CFHR4: variants seen among roughly 807,000 people sequenced by gnomAD.
CFHR4 encodes complement factor H related 4, also known as complement factor H-related protein 4.
CFHR4 carries 64 observed loss-of-function variants against 69.3 expected under a neutral mutation model. The ratio of observed to expected loss-of-function variants is 0.92; its 90% CI spans 0.76 to 1.14. The LOEUF is 1.14. CFHR4 is among the 50% of genes most tolerant of loss of function. The pLI, the probability that CFHR4 is intolerant of heterozygous loss-of-function variation, is 0.00. For missense variants in CFHR4, 636 were observed against 684.9 expected (o/e 0.93, Z 0.80); for synonymous variants, 244 against 237.0 (o/e 1.03, Z -0.27).
intron 5 of CFHR4, among the ~76,000 whole-genome samples, chr1:196,909,826 T>TA (rs1436596432): frequency 1.3e-5 from 2 of 150,686 alleles, no homozygotes; most frequent in Non-Finnish European, 2.9e-5. Flanking sequence ...CCAGGGAACT[T>TA]AAAAAATAAT....
At chr1:196,893,122 C>T (rs1657118111) in intron 1 of CFHR4, among the ~76,000 whole-genome samples, 1 of 151,632 alleles carries the variant, frequency 6.6e-6, no homozygotes, top group African/African-American at 2.4e-5. Flanking sequence ...CTTAGTCTAC[C>T]ACGTTTTAAA....
Position 196,918,498 on chromosome 1 carries a change from A to C in CFHR4, c.*92A>C. The C allele has an allele frequency of 8.0e-7, 1 of 1,253,738 alleles. No homozygotes were observed. The highest frequency in any genetic ancestry group is 1.2e-6 in the Non-Finnish European group (1 of 866,380). 77.7% of individuals were successfully genotyped at this position (1,253,738 alleles called of 1,614,324 possible). ...AAAGATAGCTTCTGATATTGTTGTAATTTCTACTTTATTTCAAAGAAAATT... is the reference window on the plus strand; with the variant it reads ...AAAGATAGCTTCTGATATTGTTGTACTTTCTACTTTATTTCAAAGAAAATT... On this transcript the variant is annotated 3_prime_UTR_variant, in exon 10 of 10. Transcript: ENST00000608469.
intron 5 of CFHR4, among the ~76,000 whole-genome samples, chr1:196,909,540 T>C (rs1028513292): frequency 6.6e-6 from 1 of 151,580 alleles, no homozygotes; most frequent in African/African-American, 2.4e-5. Context: ...AAAAGTGATA[T>C]GTACTATGTT....
chr1:196,898,867 C>T (rs1657447693), intron 1 of CFHR4, among the ~76,000 whole-genome samples: 1 of 151,472 alleles, frequency 6.6e-6, no homozygotes, highest in African/African-American at 2.4e-5. Context: ...GTCCCAGTAC[C>T]TTACCACATT....
chr1:196,908,488 A>T (rs576339979), intron 5 of CFHR4, among the ~76,000 whole-genome samples: 1 of 151,340 alleles, frequency 6.6e-6, no homozygotes, highest in East Asian at 1.9e-4. Flanking sequence ...CCAAATGCCA[A>T]TGCTTTCTGT....
intron 1 of CFHR4, among the ~76,000 whole-genome samples, chr1:196,901,779 A>T (rs995828389): frequency 1.6e-4 from 24 of 151,366 alleles, no homozygotes; most frequent in Non-Finnish European, 2.2e-4. Flanking sequence ...AAACATTAAA[A>T]ACATCTTATT....
At chr1:196,894,780 A>C (rs1255874858) in intron 1 of CFHR4, among the ~76,000 whole-genome samples, 1 of 151,252 alleles carries the variant, frequency 6.6e-6, no homozygotes, top group South Asian at 2.1e-4. Context: ...GACCAAGTAT[A>C]GTGGCTCATT....
At chr1:196,903,779 G>A (rs1389884846) in intron 2 of CFHR4, among the ~76,000 whole-genome samples, 1 of 151,284 alleles carries the variant, frequency 6.6e-6, no homozygotes, top group East Asian at 1.9e-4. Context: ...ATATCAAAGT[G>A]AATGCATTGA....
intron 1 of CFHR4, among the ~76,000 whole-genome samples, chr1:196,895,069 T>C: frequency 6.6e-6 from 1 of 151,072 alleles, no homozygotes; most frequent in Middle Eastern, 3.4e-3. Context: ...AAAAAAATTA[T>C]ATTAAAGAAA....
Position 196,902,621 on chromosome 1 carries a change from T to C in CFHR4, c.256+6T>C, listed in dbSNP as rs369779606. The C allele has an allele frequency of 3.8e-6, 6 of 1,589,564 alleles. No homozygotes were observed. The highest frequency in any genetic ancestry group is 5.2e-6 in the Non-Finnish European group (6 of 1,159,604). ...ACCAACGGTCCCATGCCTCAGTAAG[T>C]AAACCTCTTTACAAGAATATGTGCA... is the stretch of plus-strand genomic sequence containing the variant. On this transcript the variant is annotated splice_donor_region_variant and intron_variant, in intron 2 of 9. Coordinates refer to ENST00000608469, the MANE Select transcript of CFHR4 (RefSeq NM_001201550.3).
chr1:196,912,073 A>G (rs1455599535), intron 6 of CFHR4, among the ~76,000 whole-genome samples: 1 of 151,394 alleles, frequency 6.6e-6, no homozygotes. Context: ...TACTAAAATA[A>G]TTACTACCTT....
At chr1:196,895,844 C>A (rs1381044241) in intron 1 of CFHR4, among the ~76,000 whole-genome samples, 3 of 151,526 alleles carry the variant, frequency 2.0e-5, no homozygotes, top group East Asian at 3.9e-4. Context: ...GAAAACTGAA[C>A]ATTTTAGTCT....
intron 1 of CFHR4, among the ~76,000 whole-genome samples, chr1:196,901,874 C>G (rs1196465543): frequency 6.6e-6 from 1 of 151,146 alleles, no homozygotes; most frequent in Non-Finnish European, 1.5e-5. Context: ...GTTCATTTTC[C>G]TGGTTAAATA....
intron 2 of CFHR4, among the ~76,000 whole-genome samples, chr1:196,903,289 T>G (rs1467921789): frequency 1.3e-5 from 2 of 151,362 alleles, no homozygotes; most frequent in Admixed American, 1.3e-4. Flanking sequence ...TCCAAATGTG[T>G]CTGAATACAT....
At chr1:196,905,647 A>G (rs1434490578) in intron 3 of CFHR4, among the ~76,000 whole-genome samples, 1 of 151,552 alleles carries the variant, frequency 6.6e-6, no homozygotes, top group East Asian at 1.9e-4. Context: ...AACTGCTTGT[A>G]TTGTATTCCT....
intron 2 of CFHR4, among the ~76,000 whole-genome samples, chr1:196,904,841 G>C (rs760668874): frequency 1.9e-4 from 29 of 151,620 alleles, no homozygotes; most frequent in Non-Finnish European, 3.7e-4. Flanking sequence ...ATAGGGAATT[G>C]AGAGTCTGCT....
chr1:196,914,462 A>G (rs1658460540), intron 7 of CFHR4, 33 bp from the exon 8 acceptor site: 1 of 1,592,056 alleles, frequency 6.3e-7, no homozygotes, highest in Non-Finnish European at 8.6e-7. Flanking sequence ...CGTATGGCAT[A>G]GAAAAGCAAT....
intron 1 of CFHR4, among the ~76,000 whole-genome samples, chr1:196,899,561 T>C (rs1338914707): frequency 6.6e-6 from 1 of 151,528 alleles, no homozygotes; most frequent in South Asian, 2.1e-4. Context: ...TCCCAAGGTG[T>C]TCGGATTATC....
chr1:196,910,904 C>G (rs1658230173), intron 6 of CFHR4, among the ~76,000 whole-genome samples: 1 of 151,280 alleles, frequency 6.6e-6, no homozygotes, highest in Admixed American at 6.6e-5. Context: ...ATTTTATGGT[C>G]TTTAGGACAA....
Sources: gnomAD v4.1 joint callset for allele counts (sites outside exome capture counted in the v4.1 genomes callset) on GRCh38, gnomAD v4.1.1 for gene constraint, MANE v1.5 for transcripts, NCBI Gene and HGNC (gene_info 2026-07-23, HGNC 2026-07-21) for gene names.